The following PPHLN1 variants were observed in gnomAD, a reference collection of about 807,000 sequenced individuals.
PPHLN1 encodes periphilin 1.
In PPHLN1, 29 loss-of-function variants were observed where a neutral mutation model predicts 51.3. The ratio of observed to expected loss-of-function variants is 0.57; its 90% CI spans 0.42 to 0.77. The LOEUF (loss-of-function observed/expected upper bound fraction) is 0.77. PPHLN1 is among the 30% of genes least tolerant of loss of function. The probability of loss-of-function intolerance (pLI) is 0.00; values close to 1 mark genes in which losing one functional copy is unlikely to be tolerated. For synonymous variants in PPHLN1, 147 were observed against 147.8 expected, an observed-to-expected ratio of 0.99 and a Z score of 0.04; for missense variants, 436 against 438.4, an observed-to-expected ratio of 0.99 and a Z score of 0.05.
intron 5 of PPHLN1, among the ~76,000 whole-genome samples, chr12:42,384,610 A>G (rs900040179): frequency 2.0e-5 from 3 of 152,172 alleles, no homozygotes; most frequent in African/African-American, 7.2e-5. Flanking sequence ...GATGAATAAG[A>G]TGTGATCTTT....
At chr12:42,331,680 G>A (rs531766094) in intron 1 of PPHLN1, 1 of 152,202 alleles carries the variant, frequency 6.6e-6, no homozygotes, top group Non-Finnish European at 1.5e-5. Flanking sequence ...AATGAAGCTT[G>A]TATTCTCCAC....
chr12:42,435,124 GA>G (rs1286229627), intron 9 of PPHLN1, among the ~76,000 whole-genome samples: 1 of 152,122 alleles, frequency 6.6e-6, no homozygotes, highest in African/African-American at 2.4e-5. Context: ...TATTATGATT[GA>G]AAAAACTAAT....
downstream of PPHLN1, chr12:42,445,058 A>G: frequency 1.4e-6 from 1 of 702,398 alleles, no homozygotes; most frequent in Non-Finnish European, 2.6e-6. Flanking sequence ...ACCTTGAAAC[A>G]GCCCTCATTA....
intron 1 of PPHLN1, among the ~76,000 whole-genome samples, chr12:42,329,128 G>A (rs2069270071): frequency 6.7e-6 from 1 of 148,600 alleles, no homozygotes; most frequent in Admixed American, 6.7e-5. Context: ...GTGTGACGGA[G>A]TCTCACTCTG....
At chr12:42,442,826 A>G (rs1023715561), downstream of PPHLN1, 3 of 1,587,566 alleles carry the variant, frequency 1.9e-6, no homozygotes, top group Non-Finnish European at 2.6e-6. Context: ...AGCTATCCAC[A>G]CAACAGAAAC....
intron 7 of PPHLN1, among the ~76,000 whole-genome samples, chr12:42,390,917 T>C (rs1366875500): frequency 6.6e-6 from 1 of 151,398 alleles, no homozygotes; most frequent in Non-Finnish European, 1.5e-5. Flanking sequence ...CCTTCCACCT[T>C]GGCCTCCTAA....
At chr12:42,432,317 T>C in intron 9 of PPHLN1, 1 of 744,644 alleles carries the variant, frequency 1.3e-6, no homozygotes. Flanking sequence ...TTATGGCTGC[T>C]CATTAATCTG....
chr12:42,406,257 G>A (rs1215864266), intron 9 of PPHLN1, among the ~76,000 whole-genome samples: 1 of 151,460 alleles, frequency 6.6e-6, no homozygotes, highest in Non-Finnish European at 1.5e-5. Flanking sequence ...CTAATTTTTT[G>A]TATTTTTAGT....
At chr12:42,446,882 A>T (rs543257947), downstream of PPHLN1, 56 of 411,546 alleles carry the variant, frequency 1.4e-4, no homozygotes, top group Non-Finnish European at 1.9e-4. Flanking sequence ...ATTTATCTAG[A>T]TAAGTTTGTT....
At chr12:42,364,326 T>C (rs1307018476) in intron 4 of PPHLN1, among the ~76,000 whole-genome samples, 1 of 151,476 alleles carries the variant, frequency 6.6e-6, no homozygotes, top group Non-Finnish European at 1.5e-5. Flanking sequence ...GTGGCCAATA[T>C]ACTTTACTTT....
At chr12:42,393,507 C>T in intron 7 of PPHLN1, 63 bp from the exon 8 acceptor site, 3 of 1,451,742 alleles carry the variant, frequency 2.1e-6, no homozygotes, top group Non-Finnish European at 1.9e-6. Context: ...GAGTGTACTT[C>T]TTGGTGTATT....
rs534730099 is a variant in PPHLN1, at chr12:42,420,470, A to AT, written c.910-20831dup. Among the ~76,000 whole-genome samples the AT allele has an allele frequency of 5.8e-3, 824 of 142,562 alleles. 1 individual carries two copies. Among genetic ancestry groups the AT allele is most frequent in the Middle Eastern group, 0.015 (4 of 272 alleles). The allele number at this position is 142,562 out of a possible 152,430, so 93.5% of individuals were successfully genotyped here. A position where few individuals can be genotyped will look rare whatever the true frequency, so the allele number is the denominator to read the frequency against. On this transcript the variant is annotated intron_variant, in intron 9 of 9. Coordinates refer to ENST00000358314, the MANE Select transcript of PPHLN1 (RefSeq NM_201439.2). ...CAGTGAAGCAGGGTATCTCTAAATG[A>AT]TTTTTTTTTTTTTTCTGAGATGGAG...
intron 9 of PPHLN1, chr12:42,431,537 TGAA>T: frequency 1.4e-5 from 8 of 567,716 alleles, no homozygotes; most frequent in Non-Finnish European, 1.9e-5. Flanking sequence ...CTCCCCTTTT[TGAA>T]TTCCAAATGG....
intron 2 of PPHLN1, among the ~76,000 whole-genome samples, chr12:42,349,307 T>G (rs1281794856): frequency 6.6e-6 from 1 of 152,206 alleles, no homozygotes; most frequent in Non-Finnish European, 1.5e-5. Flanking sequence ...CACAGTGCCA[T>G]GAGGTAGGTG....
chr12:42,360,000 C>T (rs765775830), intron 4 of PPHLN1, among the ~76,000 whole-genome samples: 33 of 150,586 alleles, frequency 2.2e-4, no homozygotes, highest in Non-Finnish European at 4.0e-4. Context: ...CCCAGCTACT[C>T]GGGAGGCTGA....
intron 2 of PPHLN1, among the ~76,000 whole-genome samples, chr12:42,348,025 G>A (rs935827769): frequency 1.3e-5 from 2 of 152,100 alleles, no homozygotes; most frequent in African/African-American, 4.8e-5. Context: ...ACACTTTCTC[G>A]AAATACCAAC....
chr12:42,389,043 C>T (rs1197460826), intron 7 of PPHLN1, among the ~76,000 whole-genome samples: 1 of 152,056 alleles, frequency 6.6e-6, no homozygotes, highest in African/African-American at 2.4e-5. Context: ...TCGAGACCAT[C>T]CTGGCTAACA....
chr12:42,357,910 A>C (rs1461585798), intron 4 of PPHLN1, among the ~76,000 whole-genome samples: 3 of 152,132 alleles, frequency 2.0e-5, no homozygotes, highest in African/African-American at 7.2e-5. Context: ...TCTGTCTCTC[A>C]TTCCACTATG....
chr12:42,384,469 A>G (rs989329000), intron 5 of PPHLN1, among the ~76,000 whole-genome samples: 2 of 152,220 alleles, frequency 1.3e-5, no homozygotes, highest in Admixed American at 1.3e-4. Context: ...TAGGGGCTCA[A>G]CCAGTGTCCT....
Sources: gnomAD v4.1 joint callset for allele counts (sites outside exome capture counted in the v4.1 genomes callset) on GRCh38, gnomAD v4.1.1 for gene constraint, MANE v1.5 for transcripts, NCBI Gene and HGNC (gene_info 2026-07-23, HGNC 2026-07-21) for gene names.